SLC25A12: variants seen among roughly 807,000 people sequenced by gnomAD.
SLC25A12 encodes solute carrier family 25 member 12.
SLC25A12 carries 32 observed loss-of-function variants against 83.3 expected under a neutral mutation model. The ratio of observed to expected loss-of-function variants is 0.38; its 90% confidence interval spans 0.29 to 0.52. The LOEUF is 0.52. Ranked by LOEUF, SLC25A12 falls within the 20% of genes least tolerant of loss-of-function variation. The pLI, the probability that SLC25A12 is intolerant of heterozygous loss-of-function variation, is 0.84. For missense variants in SLC25A12, 611 were observed against 835.6 expected (o/e 0.73, Z 3.31); for synonymous variants, 267 against 291.1 (o/e 0.92, Z 0.84).
Position 171,873,370 on chromosome 2 carries a change from C to T in SLC25A12, c.67-4547G>A, listed in dbSNP as rs148457245. On this transcript the variant is annotated intron_variant, in intron 2 of 17. Coordinates refer to ENST00000422440, the MANE Select transcript of SLC25A12 (RefSeq NM_003705.5). ...GGCTGAGGCAAGAGAATTGCTTGAA[C>T]CTGGGAGGCGGAGGTTGCAGTGACC... Among the ~76,000 whole-genome samples the T allele has an allele frequency of 2.8e-3, 424 of 152,228 alleles. 2 individuals carry two copies. The highest frequency in any genetic ancestry group is 9.8e-3 in the African/African-American group (406 of 41,512).
chr2:171,852,620 C>T (rs1243909442), intron 4 of SLC25A12: 1 of 452,084 alleles, frequency 2.2e-6, no homozygotes, highest in Non-Finnish European at 4.4e-6. Context: ...CCTATAAATA[C>T]ATAAGCACAA....
chr2:171,857,144 T>A (rs928704770), intron 3 of SLC25A12, among the ~76,000 whole-genome samples: 1 of 152,024 alleles, frequency 6.6e-6, no homozygotes, highest in Non-Finnish European at 1.5e-5. Context: ...GGCAGGAGGA[T>A]TGCTTGAGTC....
At chr2:171,809,836 C>T in intron 12 of SLC25A12, 150 bp from the exon 13 acceptor site, 1 of 712,780 alleles carries the variant, frequency 1.4e-6, no homozygotes, top group Middle Eastern at 2.6e-4. Context: ...TGTACAAATT[C>T]TGCGACAGTG....
chr2:171,880,156 A>G (rs1685660230), intron 2 of SLC25A12, among the ~76,000 whole-genome samples: 1 of 152,252 alleles, frequency 6.6e-6, no homozygotes, highest in African/African-American at 2.4e-5. Flanking sequence ...GTTAGCCATG[A>G]TAATTGGTGA....
rs1438024890 is a variant in SLC25A12 at position 171,784,819 on chromosome 2, A to C, written c.*455T>G. On this transcript the variant is annotated 3_prime_UTR_variant, in exon 18 of 18. Transcript: ENST00000422440. ...GCTTTATTTCCATAAGTCACCAATA[A>C]GAGAATGAATTTAATTTTAATACAT... The C allele has an allele frequency of 5.3e-6, 1 of 189,332 alleles. No individual in the cohort carries two copies. Among genetic ancestry groups the C allele is most frequent in the Non-Finnish European group, 1.1e-5 (1 of 89,094 alleles). 11.7% of individuals were successfully genotyped at this position (189,332 alleles called of 1,614,324 possible). A position where few individuals can be genotyped will look rare whatever the true frequency, so the allele number is the denominator to read the frequency against.
chr2:171,883,052 A>C (rs1362140843), intron 2 of SLC25A12, among the ~76,000 whole-genome samples: 3 of 152,194 alleles, frequency 2.0e-5, no homozygotes, highest in Admixed American at 6.5e-5. Context: ...CTTCAGATGG[A>C]TGTCTCAAGA....
chr2:171,825,684 T>C lies in SLC25A12; in HGVS notation c.930+1114A>G, dbSNP rs887005209. Among the ~76,000 whole-genome samples the C allele has an allele frequency of 4.6e-5, 7 of 152,188 alleles. 1 individual carries two copies. The highest frequency in any genetic ancestry group is 2.6e-4 in the Admixed American group (4 of 15,264). ...AGAATTATGAGGAACACAGGTTCCA[T>C]GTCTATTAGAGCAGGAAAGTACCAG... On this transcript the variant is annotated intron_variant, in intron 9 of 17. Transcript: ENST00000422440.
intron 3 of SLC25A12, among the ~76,000 whole-genome samples, chr2:171,860,061 G>A (rs1685122568): frequency 6.6e-6 from 1 of 152,088 alleles, no homozygotes; most frequent in Non-Finnish European, 1.5e-5. Flanking sequence ...GAGCCACTGC[G>A]CCTGGCCTTG....
intron 11 of SLC25A12, among the ~76,000 whole-genome samples, chr2:171,811,950 A>C (rs1005991011): frequency 6.6e-6 from 1 of 152,194 alleles, no homozygotes; most frequent in Non-Finnish European, 1.5e-5. Context: ...CCTTAATGCC[A>C]CTCAACCTTG....
chr2:171,809,882 T>C (rs914534817), intron 12 of SLC25A12, among the ~76,000 whole-genome samples, 196 bp from the exon 13 acceptor site: 5 of 152,242 alleles, frequency 3.3e-5, no homozygotes, highest in Non-Finnish European at 5.9e-5. Flanking sequence ...AGTTTTGTTT[T>C]TGAGACAGGG....
intron 2 of SLC25A12, among the ~76,000 whole-genome samples, chr2:171,890,531 G>C (rs1685909476): frequency 6.6e-6 from 1 of 151,940 alleles, no homozygotes; most frequent in Non-Finnish European, 1.5e-5. Context: ...TGCCAGGCTG[G>C]AGTGCAGTGG....
intron 2 of SLC25A12, among the ~76,000 whole-genome samples, chr2:171,879,364 A>AT: frequency 6.6e-6 from 1 of 152,140 alleles, no homozygotes; most frequent in East Asian, 1.9e-4. Context: ...CTATGTGCTT[A>AT]TTTTTGTTGT....
intron 11 of SLC25A12, among the ~76,000 whole-genome samples, chr2:171,811,928 G>A (rs1338461223): frequency 2.0e-5 from 3 of 151,962 alleles, no homozygotes; most frequent in Non-Finnish European, 4.4e-5. Flanking sequence ...GAGATATCAA[G>A]GAAAAAAACA....
chr2:171,833,160 C>G (rs146922535), intron 8 of SLC25A12, among the ~76,000 whole-genome samples: 272 of 152,202 alleles, frequency 1.8e-3, no homozygotes, highest in African/African-American at 6.4e-3. Flanking sequence ...ATGATGATGC[C>G]TGCCCTGGCC....
At chr2:171,860,668 ATATT>A (rs1221753527) in intron 3 of SLC25A12, among the ~76,000 whole-genome samples, 1 of 152,148 alleles carries the variant, frequency 6.6e-6, no homozygotes, top group Admixed American at 6.6e-5. Context: ...GCATGCTAAA[ATATT>A]TAAGAACTAT....
intron 2 of SLC25A12, among the ~76,000 whole-genome samples, chr2:171,877,366 C>T (rs1411525978): frequency 6.6e-6 from 1 of 152,104 alleles, no homozygotes; most frequent in African/African-American, 2.4e-5. Flanking sequence ...CTTAAGTGAC[C>T]TTTAGGATGT....
Position 171,815,139 on chromosome 2 carries a change from G to C in SLC25A12, c.994C>G (p.Leu332Val), listed in dbSNP as rs927242874. 1.2e-6 allele frequency: 2 copies of C among 1,613,600 alleles called. No homozygotes were observed. The highest frequency in any genetic ancestry group is 2.2e-5 in the East Asian group (1 of 44,886). ...QIAESAYRFT[L>V]GSVAGAVGAT... ...CACTCACCTCCAGCAACTGAGCCCA[G>C]AGTGAATCTGTAAGCAGACTCGGCA... is the stretch of plus-strand genomic sequence containing the variant. The change falls in exon 10 of 18, where the codon CTG (leucine) becomes GTG (valine). Residue 332 changes from leucine (L) to valine (V), a missense_variant. Around this residue, in one of 3 missense-constraint regions of SLC25A12, gnomAD observed 540 missense variants for 777.5 expected, o/e 0.69. Transcript: ENST00000422440.
Position 171,784,794 on chromosome 2 carries a change from G to A in SLC25A12, c.*480C>T, listed in dbSNP as rs1690456700. The A allele has an allele frequency of 5.5e-6, 1 of 181,286 alleles. No individual in the cohort carries two copies. The highest frequency in any genetic ancestry group is 2.4e-5 in the African/African-American group (1 of 42,230). The allele number at this position is 181,286 out of a possible 1,614,324, so 11.2% of individuals were successfully genotyped here. ...GGAATTAAATACATCCAATATTGAT[G>A]CTTTATTTCCATAAGTCACCAATAA... On this transcript the variant is annotated 3_prime_UTR_variant, in exon 18 of 18. Transcript: ENST00000422440.
At chr2:171,839,549 G>T (rs1684629714) in intron 5 of SLC25A12, among the ~76,000 whole-genome samples, 1 of 152,070 alleles carries the variant, frequency 6.6e-6, no homozygotes, top group Non-Finnish European at 1.5e-5. Flanking sequence ...GGATGAGAGT[G>T]AACTTGTACA....
Sources: gnomAD v4.1 joint callset for allele counts (sites outside exome capture counted in the v4.1 genomes callset) on GRCh38, gnomAD v4.1.1 for gene constraint, gnomAD v4.1.1 regional missense constraint, MANE v1.5 for transcripts, NCBI Gene and HGNC (gene_info 2026-07-23, HGNC 2026-07-21) for gene names.